TAOK2: variants seen among roughly 807,000 people sequenced by gnomAD.
TAOK2 encodes the protein serine/threonine-protein kinase TAO2.
A neutral mutation model predicts 122.5 loss-of-function variants in TAOK2; 42 were observed. The observed-to-expected ratio is 0.34, with a 90% CI of 0.27 to 0.44. The LOEUF is 0.44. Ranked by LOEUF, TAOK2 falls within the 20% of genes least tolerant of loss-of-function variation. The pLI, the probability that TAOK2 is intolerant of heterozygous loss-of-function variation, is 1.00. For synonymous variants in TAOK2, 704 were observed against 677.6 expected, an observed-to-expected ratio of 1.04 and a Z score of -0.61; for missense variants, 1,264 against 1,644.9, an observed-to-expected ratio of 0.77 and a Z score of 4.01.
At chr16:29,982,980 C>A in intron 11 of TAOK2, 79 bp downstream of exon 11, 1 of 1,603,706 alleles carries the variant, frequency 6.2e-7, no homozygotes. Context: ...CCTTCCCCAG[C>A]CCTACTCACA....
In TAOK2 at chr16:29,985,183, C is replaced by A; in HGVS notation, c.1423-30C>A. 6.7e-7 allele frequency: 1 copy of A among 1,487,500 alleles called. No homozygotes were observed. The highest frequency in any genetic ancestry group is 1.4e-5 in the South Asian group (1 of 69,028). 92.1% of individuals were successfully genotyped at this position (1,487,500 alleles called of 1,614,324 possible). On this transcript the variant is annotated intron_variant, in intron 13 of 15. Coordinates refer to ENST00000308893, the MANE Select transcript of TAOK2 (RefSeq NM_016151.4). The surrounding 1 kb of genome is among the most constrained non-coding windows in gnomAD (Gnocchi z 6.9). ...TTAATTAACTAGGGGCCAGGCTGAGCCCCAGCTCTCACCCTCTCTCCTTCC... is the reference window on the plus strand; with the variant it reads ...TTAATTAACTAGGGGCCAGGCTGAGACCCAGCTCTCACCCTCTCTCCTTCC...
chr16:29,986,918 T>C lies in TAOK2; in HGVS notation c.2646T>C (p.Asp882=). 1 of 1,614,016 alleles carries C rather than the reference T, an allele frequency of 6.2e-7. No homozygotes were observed. Among genetic ancestry groups the C allele is most frequent in the East Asian group, 2.2e-5 (1 of 44,878 alleles). The part of the protein sequence containing the change: ...LWGKEDESLL[D]EEFELGWVQG... ...GGAAGGAGGATGAGAGTCTTCTGGATGAGGAGTTTGAGCTTGGCTGGGTCC... is the reference window on the plus strand; with the variant it reads ...GGAAGGAGGATGAGAGTCTTCTGGACGAGGAGTTTGAGCTTGGCTGGGTCC... Residue 882 remains aspartate (D), a synonymous_variant, in exon 16 of 16, where the codon GAT becomes GAC. Coordinates refer to ENST00000308893, the MANE Select transcript of TAOK2 (RefSeq NM_016151.4). This position sits in a 1 kb window ranked among gnomAD's most constrained non-coding sequence, Gnocchi z 4.2.
chr16:29,979,602 C>T lies in TAOK2; in HGVS notation c.655+94C>T. On this transcript the variant is annotated intron_variant, in intron 8 of 15. Coordinates refer to ENST00000308893, the MANE Select transcript of TAOK2 (RefSeq NM_016151.4). This position sits in a 1 kb window ranked among gnomAD's most constrained non-coding sequence, Gnocchi z 4.1. ...TACCCCCTTCTCCTAGGGATGGGATCCCAGGCCTCCAAGTTCCTGTCCGTT... is the reference window on the plus strand; with the variant it reads ...TACCCCCTTCTCCTAGGGATGGGATTCCAGGCCTCCAAGTTCCTGTCCGTT... 2 of 1,048,010 alleles carry T rather than the reference C, an allele frequency of 1.9e-6. No individual in the cohort carries two copies. The highest frequency in any genetic ancestry group is 2.8e-5 in the East Asian group (1 of 36,048). The allele number at this position is 1,048,010 out of a possible 1,614,324, so 64.9% of individuals were successfully genotyped here.
Position 29,987,164 on chromosome 16 carries a change from C to A in TAOK2, c.2892C>A (p.Gly964=). ...CCTTTGCAGTGGGGTCCTCCTCTGG[C>A]CTCCTGCCCCTCCTGCTGCTGCTGC... The part of the protein sequence containing the change: ...GLSFAVGSSS[G]LLPLLLLLLL... Residue 964 remains glycine (G), a synonymous_variant, in exon 16 of 16, where the codon GGC becomes GGA. Transcript: ENST00000308893. 3 of 1,562,540 alleles carry A rather than the reference C, an allele frequency of 1.9e-6. No individual in the cohort carries two copies. Among genetic ancestry groups the A allele is most frequent in the Non-Finnish European group, 2.6e-6 (3 of 1,159,728 alleles).
chr16:29,988,395 T>A (rs1476896756), downstream of TAOK2: 1 of 1,304,090 alleles, frequency 7.7e-7, no homozygotes, highest in Non-Finnish European at 1.0e-6. Context: ...TGAGCGGAAC[T>A]GTGCCTTTGG....
At chr16:29,991,814 G>A (rs1296931300), downstream of TAOK2, 17 of 422,696 alleles carry the variant, frequency 4.0e-5, no homozygotes, top group African/African-American at 1.0e-4. This position sits in a 1 kb window ranked among gnomAD's most constrained non-coding sequence, Gnocchi z 5.6. Flanking sequence ...GTCTCCCTCC[G>A]CCACCTAGGA....
intron 4 of TAOK2, 60 bp downstream of exon 4, chr16:29,978,413 A>C: frequency 6.4e-7 from 1 of 1,554,030 alleles, no homozygotes; most frequent in Non-Finnish European, 8.9e-7. Flanking sequence ...TCCTTATCGT[A>C]GTCCAGTCTC....
chr16:29,987,414 G>C lies in TAOK2; in HGVS notation c.3142G>C (p.Ala1048Pro), dbSNP rs565696351. 10 of 1,606,482 alleles carry C rather than the reference G, an allele frequency of 6.2e-6. No homozygotes were observed. The South Asian group carries it at 7.7e-5, about 12-fold the overall frequency. The change falls in exon 16 of 16, where the codon GCC (alanine) becomes CCC (proline). Residue 1048 changes from alanine to proline, a missense_variant. Physicochemically the swap from Ala to Pro is conservative, Grantham distance 27. This residue lies in a region of TAOK2 where 824 missense variants were observed against 908.7 expected (regional missense o/e 0.91). Transcript: ENST00000308893. ...GGGTGTTCCCCTGGGCCTTGGAGCT[G>C]CCTGGCTCTTAGCTTGGCCAGGCCT... ...LMGVPLGLGA[A>P]WLLAWPGLAL...
At chr16:29,989,970 C>T (rs1027186125), downstream of TAOK2, 7 of 662,890 alleles carry the variant, frequency 1.1e-5, no homozygotes, top group African/African-American at 1.8e-5. Context: ...ATTTCATATT[C>T]TCCTCAGTGG....
Position 29,985,027 on chromosome 16 carries a change from T to G in TAOK2, c.1423-186T>G. ...TTTATCATTCGGCCACACCAACTTG[T>G]GATGTAGATAATATCACCATTATCC... On this transcript the variant is annotated intron_variant, in intron 13 of 15. Transcript: ENST00000308893. This position sits in a 1 kb window ranked among gnomAD's most constrained non-coding sequence, Gnocchi z 6.9. 1.4e-6 allele frequency: 1 copy of G among 697,482 alleles called. No homozygotes were observed. Among genetic ancestry groups the G allele is most frequent in the Non-Finnish European group, 2.1e-6 (1 of 478,480 alleles). The allele number at this position is 697,482 out of a possible 1,614,324, so 43.2% of individuals were successfully genotyped here.
In TAOK2 at chr16:29,979,166, G is replaced by T; in HGVS notation, c.450-29G>T. 6.2e-7 allele frequency: 1 copy of T among 1,613,430 alleles called. No homozygotes were observed. Among genetic ancestry groups the T allele is most frequent in the South Asian group, 1.1e-5 (1 of 91,066 alleles). ...CCTGCCTAGCTTTCTTGAGACACAT[G>T]TCTCATCCCTGTACTTTGCCTCTGG... On this transcript the variant is annotated intron_variant, in intron 6 of 15. Transcript: ENST00000308893. This position sits in a 1 kb window ranked among gnomAD's most constrained non-coding sequence, Gnocchi z 4.1.
Position 29,986,514 on chromosome 16 carries a change from G to T in TAOK2, c.2242G>T (p.Gly748Cys), listed in dbSNP as rs2069799311. ...GCCCAAGAGCCTCAAAGTACGTGCAGGCCAGCGCCCCCCGGGCCTTCCACT... is the reference window on the plus strand; with the variant it reads ...GCCCAAGAGCCTCAAAGTACGTGCATGCCAGCGCCCCCCGGGCCTTCCACT... ...QQPKSLKVRA[G>C]QRPPGLPLPI... The change falls in exon 16 of 16, where the codon GGC becomes TGC. Residue 748 changes from glycine to cysteine, a missense_variant. Around this residue, in one of 4 missense-constraint regions of TAOK2, gnomAD observed 824 missense variants for 908.7 expected, o/e 0.91. Transcript: ENST00000308893. This position sits in a 1 kb window ranked among gnomAD's most constrained non-coding sequence, Gnocchi z 4.2. 6.2e-7 allele frequency: 1 copy of T among 1,611,790 alleles called. No individual in the cohort carries two copies. Among genetic ancestry groups the T allele is most frequent in the East Asian group, 2.2e-5 (1 of 44,846 alleles).
At chr16:29,981,584 A>C in intron 8 of TAOK2, 77 bp from the exon 9 acceptor site, 1 of 1,385,330 alleles carries the variant, frequency 7.2e-7, no homozygotes, top group South Asian at 1.2e-5. Context: ...GTTTGAACCC[A>C]AGTCGTCTCA....
downstream of TAOK2, chr16:29,989,856 T>C (rs778860076): frequency 5.0e-6 from 8 of 1,584,988 alleles, no homozygotes; most frequent in South Asian, 1.1e-5. Flanking sequence ...GGCTCTGTAC[T>C]TTGCTTTAGA....
rs1322228247 is a variant in TAOK2, at chr16:29,987,113, G to A, written c.2841G>A (p.Leu947=). ...CTGCCAGCCAGCTCCCTGGACTCCT[G>A]TCCCATGGCCTCCTGGCCGGCCTCT... is the stretch of plus-strand genomic sequence containing the variant. The part of the protein sequence containing the change: ...PCPASQLPGL[L]SHGLLAGLSF... The change falls in exon 16 of 16, where the codon CTG becomes CTA. Residue 947 remains leucine, a synonymous_variant. Coordinates refer to ENST00000308893, the MANE Select transcript of TAOK2 (RefSeq NM_016151.4). 17 of 1,611,956 alleles carry A rather than the reference G, an allele frequency of 1.1e-5. No homozygotes were observed. The Admixed American group carries it at 2.2e-4, about 21-fold the overall frequency.
At position 29,983,198 on chromosome 16, in the gene TAOK2, GACA is replaced by G; in HGVS notation, c.1129_1131del (p.Asn377del). 1.9e-6 allele frequency: 3 copies of G among 1,614,032 alleles called. No homozygotes were observed. Among genetic ancestry groups the G allele is most frequent in the South Asian group, 1.1e-5 (1 of 91,080 alleles). On this transcript the variant is annotated inframe_deletion, in exon 12 of 16. Coordinates refer to ENST00000308893, the MANE Select transcript of TAOK2 (RefSeq NM_016151.4). Reference sequence around the variant, plus strand: ...CGTCAACAGCCTAGCAGATGCCTCAGACAACGAGGAAGAGGAGGAGGAGGAGGA... The same window carrying G: ...CGTCAACAGCCTAGCAGATGCCTCAGACGAGGAAGAGGAGGAGGAGGAGGA...
intron 10 of TAOK2, 101 bp from the exon 11 acceptor site, chr16:29,982,633 T>A (rs569175301): frequency 6.8e-7 from 1 of 1,475,228 alleles, no homozygotes; most frequent in Non-Finnish European, 9.1e-7. Flanking sequence ...GTGGTGGGCG[T>A]GGGCCCCAGA....
At position 29,979,369 on chromosome 16, in the gene TAOK2, C is replaced by T. The variant is rs1567239743; in HGVS notation, c.564-48C>T. ...CCAGGGATGTTGGGAGTAGGAGTGA[C>T]AGGGTCTCGGCGGGTGATTTGCCTC... On this transcript the variant is annotated intron_variant, in intron 7 of 15. Coordinates refer to ENST00000308893, the MANE Select transcript of TAOK2 (RefSeq NM_016151.4). This position sits in a 1 kb window ranked among gnomAD's most constrained non-coding sequence, Gnocchi z 4.1. 2 of 1,608,820 alleles carry T rather than the reference C, an allele frequency of 1.2e-6. No individual in the cohort carries two copies. The highest frequency in any genetic ancestry group is 1.7e-5 in the Admixed American group (1 of 59,888).
intron 13 of TAOK2, among the ~76,000 whole-genome samples, chr16:29,984,414 A>G (rs1224065598): frequency 1.3e-5 from 2 of 152,188 alleles, no homozygotes; most frequent in Non-Finnish European, 2.9e-5. Context: ...TTTTTCATCT[A>G]TGTTTTTAGA....
Sources: gnomAD v4.1 joint callset for allele counts (sites outside exome capture counted in the v4.1 genomes callset) on GRCh38, gnomAD v4.1.1 for gene constraint, gnomAD v4.1.1 regional missense constraint, Gnocchi (gnomAD v3.1) non-coding constraint, MANE v1.5 for transcripts, NCBI Gene and HGNC (gene_info 2026-07-23, HGNC 2026-07-21) for gene names.